The following PCDHGB3 variants were observed in gnomAD, a reference collection of about 807,000 sequenced individuals.
PCDHGB3 encodes protocadherin gamma subfamily B, 3.
A neutral mutation model predicts 59.2 loss-of-function variants in PCDHGB3; 40 were observed. The ratio of observed to expected loss-of-function variants is 0.68; its 90% CI spans 0.52 to 0.88. The LOEUF is 0.88. Among genes scored for constraint, PCDHGB3 ranks in the 40% least tolerant of loss-of-function variants. The probability of loss-of-function intolerance (pLI) is 0.00; values close to 1 mark genes in which losing one functional copy is unlikely to be tolerated. For missense variants in PCDHGB3, 1,309 were observed against 1,187.9 expected (o/e 1.10, Z -1.50); for synonymous variants, 581 against 503.6 (o/e 1.15, Z -2.06).
chr5:141,457,708 T>C (rs1160977721), intron 1 of PCDHGB3, among the ~76,000 whole-genome samples: 1 of 152,260 alleles, frequency 6.6e-6, no homozygotes, highest in Admixed American at 6.5e-5. Context: ...GATGAAACAC[T>C]GTTCCACAAG....
intron 2 of PCDHGB3, among the ~76,000 whole-genome samples, chr5:141,499,099 C>T (rs1031964059): frequency 1.3e-5 from 2 of 152,156 alleles, no homozygotes; most frequent in Non-Finnish European, 2.9e-5. Context: ...ACATGCTTCT[C>T]CTCCCCACCA....
At position 141,371,314 on chromosome 5, in the gene PCDHGB3, T is replaced by G. The variant is rs763858209; in HGVS notation, c.920T>G (p.Leu307Arg). The G allele has an allele frequency of 6.8e-6, 11 of 1,613,964 alleles. No individual in the cohort carries two copies. The East Asian group carries it at 2.2e-4, about 33-fold the overall frequency. The stretch of plus-strand genomic sequence containing the variant: ...GGGGAACTCACCACTATTGGAGAAC[T>G]GGACTTTGAAGAGAGAGATAGCTAC... Reference protein sequence around the residue: ...KTGELTTIGELDFEERDSYTI... With the variant: ...KTGELTTIGERDFEERDSYTI... The change falls in exon 1 of 4, where the codon CTG (leucine) becomes CGG (arginine). Residue 307 changes from leucine (L) to arginine (R), a missense_variant. Physicochemically the swap from Leu to Arg is moderately radical, Grantham distance 102. Transcript: ENST00000576222.
intron 1 of PCDHGB3, among the ~76,000 whole-genome samples, chr5:141,494,529 G>C (rs952931724): frequency 1.3e-5 from 2 of 152,132 alleles, no homozygotes; most frequent in African/African-American, 4.8e-5. Flanking sequence ...TCTGACTCTG[G>C]GGGCAGGGAG....
chr5:141,387,088 C>T (rs2090815090), intron 1 of PCDHGB3, among the ~76,000 whole-genome samples: 2 of 152,074 alleles, frequency 1.3e-5, no homozygotes, highest in Non-Finnish European at 1.5e-5. Context: ...CTGTGATCAT[C>T]GAAATGAGAA....
chr5:141,474,505 A>G (rs2099350724), intron 1 of PCDHGB3, among the ~76,000 whole-genome samples: 2 of 152,248 alleles, frequency 1.3e-5, no homozygotes, highest in Admixed American at 6.5e-5. Context: ...AATGCCTATC[A>G]GCCCTCTTGC....
intron 1 of PCDHGB3, chr5:141,478,148 C>A: frequency 6.2e-7 from 1 of 1,614,066 alleles, no homozygotes; most frequent in Non-Finnish European, 8.5e-7. Flanking sequence ...AGCCGAGTTC[C>A]CCTCTGGCTC....
At chr5:141,478,332 G>A (rs773442842) in intron 1 of PCDHGB3, 1 of 1,613,924 alleles carries the variant, frequency 6.2e-7, no homozygotes, top group Non-Finnish European at 8.5e-7. Context: ...CGAACACCAG[G>A]GCCCTCCTTG....
In PCDHGB3 at chr5:141,426,319, C is replaced by A. The variant is rs572457971; in HGVS notation, c.2415+53510C>A. On this transcript the variant is annotated intron_variant, in intron 1 of 3. Coordinates refer to ENST00000576222, the MANE Select transcript of PCDHGB3 (RefSeq NM_018924.5). ...CAGGGTGAAGCAGAGAAGCAGGACC[C>A]GGCAGTGGCAAGCACTCTTCCCTTT... 9 of 175,482 alleles carry A rather than the reference C, an allele frequency of 5.1e-5. No homozygotes were observed. In the East Asian group the frequency reaches 6.8e-4, roughly 13 times the overall value. The allele number at this position is 175,482 out of a possible 1,614,324, so 10.9% of individuals were successfully genotyped here.
chr5:141,478,026 C>T (rs1192406949), intron 1 of PCDHGB3: 2 of 1,614,062 alleles, frequency 1.2e-6, no homozygotes, highest in East Asian at 2.2e-5. Flanking sequence ...GTCCAAGACA[C>T]AGATTCACCC....
intron 1 of PCDHGB3, chr5:141,375,579 C>A: frequency 6.2e-7 from 1 of 1,614,114 alleles, no homozygotes; most frequent in Non-Finnish European, 8.5e-7. Flanking sequence ...CTCCAGGGGG[C>A]GCCCCTGTCC....
At chr5:141,435,052 T>C (rs922871138) in intron 1 of PCDHGB3, among the ~76,000 whole-genome samples, 1 of 152,174 alleles carries the variant, frequency 6.6e-6, no homozygotes, top group African/African-American at 2.4e-5. Context: ...CCATTGACCA[T>C]GCAGCAGTTT....
chr5:141,430,383 GAAA>G (rs139772145), intron 1 of PCDHGB3, among the ~76,000 whole-genome samples: 9 of 138,566 alleles, frequency 6.5e-5, no homozygotes, highest in African/African-American at 2.4e-4. Context: ...AGCTCATTGG[GAAA>G]AAAAAAAAAA....
intron 1 of PCDHGB3, chr5:141,408,522 A>C: frequency 1.2e-6 from 2 of 1,614,026 alleles, no homozygotes; most frequent in Non-Finnish European, 1.7e-6. Flanking sequence ...TTGCAATTGG[A>C]AGCTGTGGTG....
chr5:141,379,834 GA>G (rs199662644), intron 1 of PCDHGB3, among the ~76,000 whole-genome samples: 1 of 141,412 alleles, frequency 7.1e-6, no homozygotes, highest in Non-Finnish European at 1.5e-5. Context: ...GAAGCATCAG[GA>G]AAAAAAACTA....
intron 1 of PCDHGB3, chr5:141,376,102 C>G (rs1772284190): frequency 6.2e-7 from 1 of 1,613,506 alleles, no homozygotes; most frequent in Non-Finnish European, 8.5e-7. Flanking sequence ...ACATCCTGGC[C>G]GACCTGGGCA....
chr5:141,394,929 G>C, intron 1 of PCDHGB3: 4 of 1,613,762 alleles, frequency 2.5e-6, no homozygotes, highest in Non-Finnish European at 3.4e-6. Flanking sequence ...TGTCTTCCTC[G>C]CCTTTGTCGC....
chr5:141,487,577 C>A lies in PCDHGB3; in HGVS notation c.2416-7230C>A. 1.2e-6 allele frequency: 2 copies of A among 1,614,150 alleles called. No individual in the cohort carries two copies. Among genetic ancestry groups the A allele is most frequent in the Non-Finnish European group, 1.7e-6 (2 of 1,180,024 alleles). ...ACCTATGGCAGGGGAGCCTGTTCGC[C>A]CAAGCTGCCCACCCTCTGATCTTCT... On this transcript the variant is annotated intron_variant, in intron 1 of 3. Coordinates refer to ENST00000576222, the MANE Select transcript of PCDHGB3 (RefSeq NM_018924.5). The surrounding 1 kb of genome is among the most constrained non-coding windows in gnomAD (Gnocchi z 5.0).
chr5:141,430,951 C>A, intron 1 of PCDHGB3: 3 of 1,610,496 alleles, frequency 1.9e-6, no homozygotes, highest in Non-Finnish European at 2.5e-6. Flanking sequence ...AGCGCGGAGT[C>A]CGCATCATCC....
At position 141,486,426 on chromosome 5, in the gene PCDHGB3, A is replaced by T; in HGVS notation, c.2416-8381A>T. 6.2e-7 allele frequency: 1 copy of T among 1,614,190 alleles called. No homozygotes were observed. The highest frequency in any genetic ancestry group is 8.5e-7 in the Non-Finnish European group (1 of 1,180,026). ...GCTGGACCCTTGGATCGAGAGGCCA[A>T]ATCTAGCTATGACATCATGGTCACT... On this transcript the variant is annotated intron_variant, in intron 1 of 3. Coordinates refer to ENST00000576222, the MANE Select transcript of PCDHGB3 (RefSeq NM_018924.5). This position sits in a 1 kb window ranked among gnomAD's most constrained non-coding sequence, Gnocchi z 5.0.
Sources: allele counts gnomAD v4.1 joint callset (sites outside exome capture counted in the v4.1 genomes callset), GRCh38; gene constraint gnomAD v4.1.1; non-coding constraint Gnocchi (gnomAD v3.1); transcripts MANE v1.5; gene names NCBI Gene and HGNC (gene_info 2026-07-23, HGNC 2026-07-21).